Variants in DNAH6 observed in about 807,000 individuals in gnomAD.
DNAH6 encodes the protein dynein axonemal heavy chain 6.
Under a neutral mutation model 491.4 loss-of-function variants are expected in DNAH6, and 340 were observed. That is an observed-to-expected ratio of 0.69 (90% CI 0.63 to 0.76). The LOEUF is 0.76. DNAH6 is among the 30% of genes least tolerant of loss of function. The probability of loss-of-function intolerance (pLI) is 0.00; values close to 1 mark genes in which losing one functional copy is unlikely to be tolerated. For missense variants in DNAH6, 4,443 were observed against 4,972.2 expected (o/e 0.89, Z 3.20); for synonymous variants, 1,603 against 1,686.1 (o/e 0.95, Z 1.21).
intron 69 of DNAH6, among the ~76,000 whole-genome samples, chr2:84,797,117 A>G (rs1365289207): frequency 1.3e-5 from 2 of 152,194 alleles, no homozygotes; most frequent in African/African-American, 4.8e-5. Flanking sequence ...CTAGATTTCA[A>G]TGTAGCTTTT....
intron 1 of DNAH6, among the ~76,000 whole-genome samples, chr2:84,517,579 C>G (rs1675716627): frequency 6.6e-6 from 1 of 152,162 alleles, no homozygotes; most frequent in South Asian, 2.1e-4. Flanking sequence ...GCAAGAAATG[C>G]AAATTCCTGG....
intron 67 of DNAH6, among the ~76,000 whole-genome samples, chr2:84,786,189 G>A (rs1198157006): frequency 6.6e-6 from 1 of 152,120 alleles, no homozygotes; most frequent in Non-Finnish European, 1.5e-5. Flanking sequence ...ATTTTGGGAG[G>A]CCAACATGGG....
rs1284307324 is a variant in DNAH6 at position 84,808,491 on chromosome 2, C to T, written c.11688C>T (p.Thr3896=). 4 of 1,551,512 alleles carry T rather than the reference C, an allele frequency of 2.6e-6. No individual in the cohort carries two copies. Among genetic ancestry groups the T allele is most frequent in the South Asian group, 1.2e-5 (1 of 83,916 alleles). Reference sequence around the variant, plus strand: ...AAGGACGTCTGAACTCCTTGACCACCGTTCTTGGACAGGAAGTGGACCGGT... The same window carrying T: ...AAGGACGTCTGAACTCCTTGACCACTGTTCTTGGACAGGAAGTGGACCGGT... ...DLQGRLNSLT[T]VLGQEVDRFN... is the part of the protein sequence containing the mutation. Residue 3896 remains threonine, a synonymous_variant, in exon 72 of 77, where the codon ACC becomes ACT. Transcript: ENST00000389394.
rs1019769300 is a variant in DNAH6 at position 84,640,690 on chromosome 2, C to T, written c.4970+112C>T. On this transcript the variant is annotated intron_variant, in intron 32 of 76. Transcript: ENST00000389394. ...GTAACTGATTAATAAATGTTGGCTG[C>T]TGCTGTTGTCATCATTCTTACCTTG... 1.1e-5 allele frequency: 11 copies of T among 1,045,838 alleles called. No individual in the cohort carries two copies. The African/African-American group carries it at 1.3e-4, about 12-fold the overall frequency. The allele number at this position is 1,045,838 out of a possible 1,614,324, so 64.8% of individuals were successfully genotyped here. A position where few individuals can be genotyped will look rare whatever the true frequency, so the allele number is the denominator to read the frequency against.
chr2:84,604,256 A>G (rs1037687889), intron 18 of DNAH6, 83 bp from the exon 19 acceptor site: 8 of 1,075,626 alleles, frequency 7.4e-6, no homozygotes, highest in Admixed American at 2.1e-5. Context: ...CCAGCTCTCT[A>G]CATGCACAAA....
intron 60 of DNAH6, 32 bp from the exon 61 acceptor site, chr2:84,727,637 C>G (rs1164930196): frequency 7.5e-7 from 1 of 1,342,170 alleles, no homozygotes; most frequent in Non-Finnish European, 1.0e-6. Flanking sequence ...TGAATTAAAT[C>G]AGAGACATTG....
intron 33 of DNAH6, 59 bp from the exon 34 acceptor site, chr2:84,653,260 A>G (rs1690627803): frequency 7.6e-7 from 1 of 1,310,054 alleles, no homozygotes; most frequent in Non-Finnish European, 1.0e-6. Flanking sequence ...GATTGTAACA[A>G]ATACGGGAAA....
At chr2:84,818,494 A>ATCTC (rs1344202401) in intron 76 of DNAH6, among the ~76,000 whole-genome samples, 1 of 133,482 alleles carries the variant, frequency 7.5e-6, no homozygotes, top group African/African-American at 3.8e-5. Context: ...CAAAAAAAAA[A>ATCTC]AAAAAAAAAA....
the DNAH6 span, among the ~76,000 whole-genome samples, chr2:84,505,250 G>T: frequency 6.6e-6 from 1 of 152,028 alleles, no homozygotes; most frequent in Non-Finnish European, 1.5e-5. Context: ...ATCATATTTT[G>T]TCAATTCTTT....
chr2:84,634,223 A>G (rs1688657915), intron 29 of DNAH6, among the ~76,000 whole-genome samples: 1 of 152,172 alleles, frequency 6.6e-6, no homozygotes, highest in African/African-American at 2.4e-5. Context: ...GAATCTGTCA[A>G]GTATTTGCAG....
At chr2:84,475,331 G>T in the DNAH6 span, among the ~76,000 whole-genome samples, 1 of 152,192 alleles carries the variant, frequency 6.6e-6, no homozygotes, top group Non-Finnish European at 1.5e-5. Context: ...GCCTGAGTTT[G>T]TTGAGGGGCT....
chr2:84,797,266 A>G (rs1678445400), intron 69 of DNAH6, among the ~76,000 whole-genome samples: 1 of 152,238 alleles, frequency 6.6e-6, no homozygotes, highest in African/African-American at 2.4e-5. Context: ...TACACCTTTC[A>G]GCAGCATATC....
At chr2:84,535,285 T>C (rs1053310074) in intron 4 of DNAH6, among the ~76,000 whole-genome samples, 10 of 151,946 alleles carry the variant, frequency 6.6e-5, no homozygotes, top group Non-Finnish European at 1.2e-4. Flanking sequence ...CAGATCTATA[T>C]GGCAAACACA....
chr2:84,490,588 G>T, the DNAH6 span, among the ~76,000 whole-genome samples: 2 of 152,030 alleles, frequency 1.3e-5, no homozygotes, highest in Non-Finnish European at 2.9e-5. Flanking sequence ...TTAAGATGGA[G>T]TCTCACTCTG....
chr2:84,663,934 G>A (rs1691801649), intron 37 of DNAH6, among the ~76,000 whole-genome samples: 1 of 152,172 alleles, frequency 6.6e-6, no homozygotes, highest in Non-Finnish European at 1.5e-5. Context: ...GAGAGTGGTG[G>A]CCAATATTCA....
At chr2:84,514,924 A>C (rs1675489916), upstream of DNAH6, among the ~76,000 whole-genome samples, 1 of 142,466 alleles carries the variant, frequency 7.0e-6, no homozygotes, top group Admixed American at 7.1e-5. Flanking sequence ...GAATGCTTTC[A>C]GCTGCACATG....
chr2:84,769,561 G>C (rs1337943821), intron 64 of DNAH6, among the ~76,000 whole-genome samples: 1 of 152,148 alleles, frequency 6.6e-6, no homozygotes, highest in Non-Finnish European at 1.5e-5. Flanking sequence ...TGAGTTCCTG[G>C]TGCCATAGTG....
At chr2:84,543,036 G>A (rs891564091) in intron 4 of DNAH6, among the ~76,000 whole-genome samples, 3 of 152,104 alleles carry the variant, frequency 2.0e-5, no homozygotes, top group African/African-American at 7.2e-5. Context: ...GCAGGCGCCT[G>A]TAATCCCACT....
chr2:84,748,417 A>G (rs1052615516), intron 63 of DNAH6, among the ~76,000 whole-genome samples: 8 of 152,354 alleles, frequency 5.3e-5, no homozygotes, highest in East Asian at 1.9e-4. Context: ...TTCTTCCACC[A>G]GATAACCTAG....
Sources: allele counts gnomAD v4.1 joint callset (sites outside exome capture counted in the v4.1 genomes callset), GRCh38; gene constraint gnomAD v4.1.1; transcripts MANE v1.5; gene names NCBI Gene and HGNC (gene_info 2026-07-23, HGNC 2026-07-21).